Variants in DNAH5 observed in about 807,000 individuals in gnomAD.
The protein encoded by DNAH5 is axonemal beta dynein heavy chain 5.
Under a neutral mutation model 518.2 loss-of-function variants are expected in DNAH5, and 372 were observed. That is an observed-to-expected ratio of 0.72 (90% confidence interval 0.66 to 0.78). The LOEUF is 0.78. DNAH5 is among the 30% of genes least tolerant of loss of function. The pLI, the probability that DNAH5 is intolerant of heterozygous loss-of-function variation, is 0.00. For missense variants in DNAH5, 5,523 were observed against 5,687.0 expected (o/e 0.97, Z 0.93); for synonymous variants, 2,039 against 2,025.9 (o/e 1.01, Z -0.17).
chr5:13,921,473 T>TCTCC (rs1777268114), intron 5 of DNAH5, among the ~76,000 whole-genome samples: 2 of 57,748 alleles, frequency 3.5e-5, no homozygotes, highest in Admixed American at 1.9e-4. Context: ...TCTATCTCTC[T>TCTCC]CTCACACACA....
At chr5:13,841,297 T>C (rs1765123811) in intron 33 of DNAH5, among the ~76,000 whole-genome samples, 167 bp from the exon 34 acceptor site, 1 of 152,224 alleles carries the variant, frequency 6.6e-6, no homozygotes, top group Non-Finnish European at 1.5e-5. Flanking sequence ...TCTTATCATT[T>C]TGAGTCATTT....
intron 65 of DNAH5, among the ~76,000 whole-genome samples, chr5:13,745,020 C>G (rs1233450884): frequency 6.6e-6 from 1 of 152,084 alleles, no homozygotes; most frequent in East Asian, 1.9e-4. Context: ...TCACCAAGTT[C>G]AGGTACTTGC....
intron 1 of DNAH5, among the ~76,000 whole-genome samples, chr5:13,978,841 G>A (rs1782468733): frequency 6.6e-6 from 1 of 152,168 alleles, no homozygotes; most frequent in African/African-American, 2.4e-5. Flanking sequence ...CCATCATTAA[G>A]TGAATATGAC....
Position 13,752,294 on chromosome 5 carries a change from G to C in DNAH5, c.10873-5C>G. 6.2e-7 allele frequency: 1 copy of C among 1,613,894 alleles called. No homozygotes were observed. Among genetic ancestry groups the C allele is most frequent in the Non-Finnish European group, 8.5e-7 (1 of 1,179,886 alleles). On this transcript the variant is annotated splice_polypyrimidine_tract_variant and splice_region_variant and intron_variant, in intron 63 of 78. Transcript: ENST00000265104. ...CTTGTGATTTAAAGACGTGATCTAG[G>C]AACAGGATCACAAGGTTGCTATTGG... is the stretch of plus-strand genomic sequence containing the variant.
In DNAH5 at chr5:13,793,525, G is replaced by A. The variant is rs759913433; in HGVS notation, c.8214C>T (p.Asp2738=). The part of the protein sequence containing the change: ...NCTLPSEASV[D]KIFGVIGVGH... The stretch of plus-strand genomic sequence containing the variant: ...CCTCTTGATCTTTACCAAAGATCTT[G>A]TCCACAGAAGCTTCAGAGGGCAACG... Residue 2738 remains aspartate, a synonymous_variant, in exon 49 of 79, where the codon GAC becomes GAT. Coordinates refer to ENST00000265104, the MANE Select transcript of DNAH5 (RefSeq NM_001369.3). The A allele has an allele frequency of 2.5e-6, 4 of 1,612,866 alleles. No individual in the cohort carries two copies. The highest frequency in any genetic ancestry group is 2.5e-6 in the Non-Finnish European group (3 of 1,178,918).
intron 1 of DNAH5, among the ~76,000 whole-genome samples, chr5:14,001,430 C>G (rs1784344650): frequency 1.3e-5 from 2 of 151,858 alleles, no homozygotes; most frequent in Non-Finnish European, 2.9e-5. Flanking sequence ...GTGGTGTGAT[C>G]TCGGCTCACT....
chr5:14,011,246 A>G (rs1022570212), intron 1 of DNAH5, among the ~76,000 whole-genome samples: 1 of 152,132 alleles, frequency 6.6e-6, no homozygotes. Flanking sequence ...CACAAAAGCG[A>G]CCTTCGCCAC....
At chr5:14,007,254 C>T (rs1784783697) in intron 1 of DNAH5, among the ~76,000 whole-genome samples, 1 of 152,244 alleles carries the variant, frequency 6.6e-6, no homozygotes, top group African/African-American at 2.4e-5. Context: ...CAGGACATCA[C>T]TGCATCACAA....
chr5:13,722,754 T>C (rs1042725087), intron 70 of DNAH5, among the ~76,000 whole-genome samples: 3 of 152,262 alleles, frequency 2.0e-5, no homozygotes, highest in African/African-American at 7.2e-5. Context: ...ACCATTTTAC[T>C]GTGGATCTCT....
At chr5:13,970,964 G>A (rs531140725) in intron 1 of DNAH5, among the ~76,000 whole-genome samples, 16 of 152,010 alleles carry the variant, frequency 1.1e-4, no homozygotes, top group Admixed American at 5.2e-4. Context: ...CAAACTTCTC[G>A]GAGGCTTTGT....
In DNAH5 at chr5:13,794,044, GCTCT is replaced by G. The variant is rs1443540935; in HGVS notation, c.7898_7901del (p.Glu2633AlafsTer19). 5 of 1,613,784 alleles carry G rather than the reference GCTCT, an allele frequency of 3.1e-6. No individual in the cohort carries two copies. Among genetic ancestry groups the G allele is most frequent in the Non-Finnish European group, 4.2e-6 (5 of 1,179,958 alleles). On this transcript the variant is annotated frameshift_variant, in exon 48 of 79. Coordinates refer to ENST00000265104, the MANE Select transcript of DNAH5 (RefSeq NM_001369.3). LOFTEE classifies it high-confidence loss of function. ...TTGTACCCATTCGTTTATCCACATA[GCTCT>G]CTATCGTCCTCTGTGAAAAAAAAAT... is the stretch of plus-strand genomic sequence containing the variant.
Position 13,777,360 on chromosome 5 carries a change from A to C in DNAH5, c.8952-5T>G. The stretch of plus-strand genomic sequence containing the variant: ...AGATTTGATGTGTTGTAGGATCTAA[A>C]GAAATATTTTCATTTTGTCATTAGC... On this transcript the variant is annotated splice_polypyrimidine_tract_variant and splice_region_variant and intron_variant, in intron 53 of 78. Coordinates refer to ENST00000265104, the MANE Select transcript of DNAH5 (RefSeq NM_001369.3). 6.2e-7 allele frequency: 1 copy of C among 1,612,408 alleles called. No individual in the cohort carries two copies. Among genetic ancestry groups the C allele is most frequent in the Non-Finnish European group, 8.5e-7 (1 of 1,178,950 alleles).
intron 7 of DNAH5, among the ~76,000 whole-genome samples, chr5:13,917,666 T>C (rs1240545192): frequency 6.6e-6 from 1 of 152,188 alleles, no homozygotes. Flanking sequence ...AATTGTTTAT[T>C]ATCTGCCAAC....
chr5:13,935,109 A>G (rs1032478706), intron 1 of DNAH5, among the ~76,000 whole-genome samples: 2 of 152,176 alleles, frequency 1.3e-5, no homozygotes, highest in African/African-American at 4.8e-5. Context: ...TGGTAGCCAA[A>G]ACTAAAAATA....
chr5:13,930,577 C>G (rs1360357679), intron 2 of DNAH5, among the ~76,000 whole-genome samples: 2 of 152,214 alleles, frequency 1.3e-5, no homozygotes, highest in East Asian at 3.9e-4. Context: ...ATTATATCTT[C>G]CCATATTTTG....
chr5:13,892,630 C>T (rs972167149), intron 16 of DNAH5, among the ~76,000 whole-genome samples: 1 of 152,184 alleles, frequency 6.6e-6, no homozygotes, highest in East Asian at 1.9e-4. Context: ...CTCCAGCTAA[C>T]AATCTAATAA....
In DNAH5 at chr5:13,737,395, G is replaced by A. The variant is rs545183484; in HGVS notation, c.11312C>T (p.Thr3771Ile). 2.3e-5 allele frequency: 37 copies of A among 1,614,118 alleles called. No individual in the cohort carries two copies. The highest frequency in any genetic ancestry group is 8.9e-5 in the East Asian group (4 of 44,882). The change falls in exon 66 of 79, where the codon ACC (threonine) becomes ATC (isoleucine). Residue 3771 changes from threonine to isoleucine, a missense_variant. By Grantham distance (89) the Thr-to-Ile change is moderately conservative. Coordinates refer to ENST00000265104, the MANE Select transcript of DNAH5 (RefSeq NM_001369.3). The part of the protein sequence containing the change: ...EDNLLYRLTS[T>I]QGSLVEDESL... ...TTCATCTTCTACCAGGGACCCCTGG[G>A]TACTTGTCAGGCGGTAAAGCAAGTT... is the stretch of plus-strand genomic sequence containing the variant.
At chr5:13,799,531 T>C (rs1421063850) in intron 47 of DNAH5, among the ~76,000 whole-genome samples, 1 of 152,170 alleles carries the variant, frequency 6.6e-6, no homozygotes, top group African/African-American at 2.4e-5. Flanking sequence ...AAGAGTTAAA[T>C]TGACAAAAGC....
chr5:13,699,832 G>A (rs1217190739), intron 78 of DNAH5, among the ~76,000 whole-genome samples: 2 of 152,184 alleles, frequency 1.3e-5, no homozygotes, highest in African/African-American at 4.8e-5. Context: ...ATCATGGCTA[G>A]AGTTTATGGT....
Sources: gnomAD v4.1 joint callset for allele counts (sites outside exome capture counted in the v4.1 genomes callset) on GRCh38, gnomAD v4.1.1 for gene constraint, MANE v1.5 for transcripts, NCBI Gene and HGNC (gene_info 2026-07-23, HGNC 2026-07-21) for gene names.